Variants in CDIN1 observed in about 807,000 individuals in gnomAD.
CDIN1 encodes the protein CDAN1 interacting nuclease 1, also known as CDAN1-interacting nuclease 1.
In CDIN1, 33 loss-of-function variants were observed where a neutral mutation model predicts 45.3. That is an observed-to-expected ratio of 0.73 (90% CI 0.55 to 0.97). CDIN1 has a LOEUF of 0.97. Among genes scored for constraint, CDIN1 ranks in the 50% least tolerant of loss-of-function variants. The pLI, the probability that CDIN1 is intolerant of heterozygous loss-of-function variation, is 0.00. For missense variants in CDIN1, 303 were observed against 339.4 expected (o/e 0.89, Z 0.84); for synonymous variants, 118 against 124.4 (o/e 0.95, Z 0.34).
rs11369351 is a variant in CDIN1 at position 36,711,259 on chromosome 15, T to TA, written c.716+1306dup. Among the ~76,000 whole-genome samples the TA allele has an allele frequency of 9.0e-3, 1,373 of 152,074 alleles. 21 individuals carry two copies. Among genetic ancestry groups the TA allele is most frequent in the African/African-American group, 0.032 (1,318 of 41,500 alleles). ...ATAAGTTTAGGTTGCTAAAGTATTT[T>TA]AAAAAAAACTGATAAGCTCAATCAG... On this transcript the variant is annotated intron_variant, in intron 10 of 10. Coordinates refer to ENST00000566621, the MANE Select transcript of CDIN1 (RefSeq NM_001321759.2).
At chr15:36,646,473 C>T (rs183577149) in intron 3 of CDIN1, among the ~76,000 whole-genome samples, 2 of 146,522 alleles carry the variant, frequency 1.4e-5, no homozygotes, top group East Asian at 4.1e-4. Context: ...GAGAGATCCT[C>T]TCTAAACAAG....
intron 10 of CDIN1, among the ~76,000 whole-genome samples, chr15:36,757,936 T>C (rs759313146): frequency 5.3e-5 from 8 of 152,138 alleles, no homozygotes; most frequent in Non-Finnish European, 1.2e-4. Context: ...TCATGTAACT[T>C]TTATTATAGT....
intron 5 of CDIN1, among the ~76,000 whole-genome samples, chr15:36,672,879 A>G (rs1393232175): frequency 6.6e-6 from 1 of 151,946 alleles, no homozygotes; most frequent in Non-Finnish European, 1.5e-5. Context: ...GCAGTTCATT[A>G]GCTGCTGGAG....
At chr15:36,700,851 G>T (rs867718654) in intron 8 of CDIN1, among the ~76,000 whole-genome samples, 1 of 151,826 alleles carries the variant, frequency 6.6e-6, no homozygotes. Flanking sequence ...GAGGCAGGAG[G>T]ATCACATGAG....
At chr15:36,587,243 C>A (rs1595707314) in intron 1 of CDIN1, among the ~76,000 whole-genome samples, 1 of 152,074 alleles carries the variant, frequency 6.6e-6, no homozygotes, top group Middle Eastern at 3.4e-3. Context: ...CTACTGTCTT[C>A]CTACTCTTGG....
Position 36,786,446 on chromosome 15 carries a change from G to A in CDIN1, c.717-21878G>A, listed in dbSNP as rs79544498. 4.6e-5 allele frequency among the ~76,000 whole-genome samples: 7 copies of A among 152,196 alleles called. No individual in the cohort carries two copies. In the East Asian group the frequency reaches 1.4e-3, roughly 29 times the overall value. On this transcript the variant is annotated intron_variant, in intron 10 of 10. Coordinates refer to ENST00000566621, the MANE Select transcript of CDIN1 (RefSeq NM_001321759.2). ...ACTGTGTGTATCGTGTACTTCCCCTGAGTGGACACATCTCATTGTGACAAT... is the reference window on the plus strand; with the variant it reads ...ACTGTGTGTATCGTGTACTTCCCCTAAGTGGACACATCTCATTGTGACAAT...
intron 10 of CDIN1, among the ~76,000 whole-genome samples, chr15:36,712,260 CTTTTTTTTTTT>C (rs780494427): frequency 2.6e-5 from 2 of 77,372 alleles, no homozygotes; most frequent in African/African-American, 1.0e-4. Context: ...TAGACTAATG[CTTTTTTTTTTT>C]TTTTTTTTTT....
chr15:36,650,518 C>T (rs1047756413), intron 3 of CDIN1, among the ~76,000 whole-genome samples: 1 of 151,818 alleles, frequency 6.6e-6, no homozygotes, highest in Non-Finnish European at 1.5e-5. Flanking sequence ...TCTTGGCTCA[C>T]TGCAAACTCC....
intron 10 of CDIN1, among the ~76,000 whole-genome samples, chr15:36,714,569 A>T (rs2381889): frequency 0.78 from 119,111 of 152,112 alleles, 47,251 homozygotes; most frequent in East Asian, 0.94. Context: ...AAAGTTTAGA[A>T]TTGCATAAGA....
chr15:36,644,253 TTTG>T, intron 1 of CDIN1, 22 bp from the exon 2 acceptor site: 1 of 1,612,408 alleles, frequency 6.2e-7, no homozygotes, highest in Non-Finnish European at 8.5e-7. Flanking sequence ...AGTAATTAAC[TTTG>T]TCCTTCTTTT....
intron 3 of CDIN1, among the ~76,000 whole-genome samples, 160 bp from the exon 4 acceptor site, chr15:36,653,938 T>C (rs1450839730): frequency 6.6e-6 from 1 of 152,230 alleles, no homozygotes; most frequent in Non-Finnish European, 1.5e-5. Flanking sequence ...GTTTGTGTTA[T>C]GTTTTTCCCT....
chr15:36,739,571 A>G (rs1229906391), intron 10 of CDIN1, among the ~76,000 whole-genome samples: 1 of 152,254 alleles, frequency 6.6e-6, no homozygotes, highest in African/African-American at 2.4e-5. Context: ...ATATGTTATC[A>G]GTATGTTTGG....
intron 10 of CDIN1, among the ~76,000 whole-genome samples, chr15:36,750,835 A>G (rs1429531564): frequency 6.6e-6 from 1 of 152,170 alleles, no homozygotes; most frequent in Non-Finnish European, 1.5e-5. Flanking sequence ...AAGGGAGACA[A>G]AGACCTACAA....
chr15:36,794,018 G>A (rs375265778), intron 10 of CDIN1, among the ~76,000 whole-genome samples: 1 of 136,988 alleles, frequency 7.3e-6, no homozygotes, highest in Non-Finnish European at 1.5e-5. Context: ...TTACTGTGGT[G>A]AAAAAAAAAA....
intron 10 of CDIN1, among the ~76,000 whole-genome samples, chr15:36,767,399 C>T (rs1173405085): frequency 2.0e-5 from 3 of 152,170 alleles, no homozygotes; most frequent in African/African-American, 7.2e-5. Context: ...CCAACATCAC[C>T]AGAATGTGTA....
chr15:36,789,501 AG>A (rs1167412611), intron 10 of CDIN1, among the ~76,000 whole-genome samples: 1 of 152,204 alleles, frequency 6.6e-6, no homozygotes, highest in African/African-American at 2.4e-5. Context: ...TAATGGGTGA[AG>A]GAAGTCTGAA....
Position 36,586,204 on chromosome 15 carries a change from T to TTTG in CDIN1, c.101+6245_101+6246insGTT, listed in dbSNP as rs1482523500. On this transcript the variant is annotated intron_variant, in intron 1 of 10. Coordinates refer to ENST00000566621, the MANE Select transcript of CDIN1 (RefSeq NM_001321759.2). ...GGTTTACCTTTGAGTTTTTTTTTTT[T>TTTG]TTTTAACTATTACAACTGCACTATA... Among the ~76,000 whole-genome samples the TTTG allele has an allele frequency of 1.4e-4, 21 of 152,020 alleles. No individual in the cohort carries two copies. The East Asian group carries it at 4.1e-3, about 29-fold the overall frequency.
chr15:36,608,852 A>G (rs1388164850), intron 1 of CDIN1, among the ~76,000 whole-genome samples: 3 of 152,310 alleles, frequency 2.0e-5, no homozygotes, highest in Admixed American at 6.5e-5. Flanking sequence ...TCTCCTGAAT[A>G]TAACTTTAAA....
At chr15:36,730,503 G>C (rs146547989) in intron 10 of CDIN1, among the ~76,000 whole-genome samples, 3 of 152,194 alleles carry the variant, frequency 2.0e-5, no homozygotes, top group African/African-American at 7.2e-5. Flanking sequence ...CAGAGTAAGA[G>C]TGTTCAATCT....
Sources: gnomAD v4.1 joint callset for allele counts (sites outside exome capture counted in the v4.1 genomes callset) on GRCh38, gnomAD v4.1.1 for gene constraint, MANE v1.5 for transcripts, NCBI Gene and HGNC (gene_info 2026-07-23, HGNC 2026-07-21) for gene names.